The following ZMYND11 variants were observed in gnomAD, a reference collection of about 807,000 sequenced individuals.
ZMYND11 encodes the protein zinc finger MYND-type containing 11, also known as zinc finger MYND domain-containing protein 11.
Under a neutral mutation model 84.9 loss-of-function variants are expected in ZMYND11, and 9 were observed. That is an observed-to-expected ratio of 0.11 (90% CI 0.06 to 0.18). The LOEUF is 0.18. Ranked by LOEUF, ZMYND11 falls within the 10% of genes least tolerant of loss-of-function variation. ZMYND11 has a pLI of 1.00. For missense variants in ZMYND11, 409 were observed against 761.0 expected, an observed-to-expected ratio of 0.54 and a Z score of 5.44; for synonymous variants, 250 against 244.1, an observed-to-expected ratio of 1.02 and a Z score of -0.23.
chr10:210,183 A>G, intron 3 of ZMYND11, 135 bp downstream of exon 3: 1 of 941,634 alleles, frequency 1.1e-6, no homozygotes, highest in Non-Finnish European at 1.6e-6. Context: ...TTAAGGCTCT[A>G]CATTGGTAGT....
chr10:247,347 G>T, intron 11 of ZMYND11, 51 bp from the exon 12 acceptor site: 2 of 1,596,012 alleles, frequency 1.3e-6, no homozygotes, highest in Non-Finnish European at 1.7e-6. Flanking sequence ...TTTCAGCAGA[G>T]AAGTATTTTC....
chr10:199,983 G>T (rs1942741627), intron 2 of ZMYND11, among the ~76,000 whole-genome samples: 2 of 151,812 alleles, frequency 1.3e-5, no homozygotes, highest in Non-Finnish European at 2.9e-5. Context: ...TCCCACCTCA[G>T]CCTCCTGAGT....
chr10:183,863 T>C (rs543103409), intron 2 of ZMYND11, among the ~76,000 whole-genome samples: 1 of 152,300 alleles, frequency 6.6e-6, no homozygotes, highest in South Asian at 2.1e-4. Context: ...TTCAGGATCT[T>C]CTTGTACATA....
At chr10:247,242 A>G (rs559463726) in intron 11 of ZMYND11, among the ~76,000 whole-genome samples, 156 bp from the exon 12 acceptor site, 1 of 152,368 alleles carries the variant, frequency 6.6e-6, no homozygotes, top group African/African-American at 2.4e-5. Context: ...TACAGTTACC[A>G]GAACAGTAAA....
At chr10:157,744 T>G (rs1842037631) in intron 1 of ZMYND11, among the ~76,000 whole-genome samples, 1 of 152,180 alleles carries the variant, frequency 6.6e-6, no homozygotes, top group African/African-American at 2.4e-5. Flanking sequence ...CTGCAGTGAC[T>G]TTTAGAAAAA....
intron 2 of ZMYND11, among the ~76,000 whole-genome samples, chr10:186,846 G>A (rs959941969): frequency 9.2e-5 from 14 of 151,978 alleles, no homozygotes; most frequent in African/African-American, 2.4e-4. Context: ...TTAACTTGGC[G>A]GAGTTCATAG....
At chr10:130,396 G>A (rs1588302860), upstream of ZMYND11, among the ~76,000 whole-genome samples, 2 of 152,160 alleles carry the variant, frequency 1.3e-5, no homozygotes, top group South Asian at 4.1e-4. Context: ...ACTACGGGAC[G>A]TGGTAGAAGG....
At chr10:200,996 A>G (rs764474485) in intron 2 of ZMYND11, among the ~76,000 whole-genome samples, 1 of 152,028 alleles carries the variant, frequency 6.6e-6, no homozygotes, top group Non-Finnish European at 1.5e-5. Flanking sequence ...TAATCTAGTC[A>G]GGTATTTTGC....
rs574425401 is a variant in ZMYND11, at chr10:176,270, CTTTTTA to C, written c.-19-3718_-19-3713del. Among the ~76,000 whole-genome samples the C allele has an allele frequency of 4.0e-4, 60 of 151,854 alleles. No individual in the cohort carries two copies. The East Asian group carries it at 0.01, about 26-fold the overall frequency. On this transcript the variant is annotated intron_variant, in intron 1 of 14. Transcript: ENST00000381604. ...TAAAGTTACTCAGAAGTTTTTGCTA[CTTTTTA>C]TTTTTTTTTTTAACTACAGGCTTCT...
intron 1 of ZMYND11, among the ~76,000 whole-genome samples, chr10:142,678 A>G (rs994119570): frequency 2.0e-5 from 3 of 152,180 alleles, no homozygotes; most frequent in African/African-American, 7.2e-5. Flanking sequence ...CATTTTCCCA[A>G]TGCACTTTTA....
intron 1 of ZMYND11, among the ~76,000 whole-genome samples, chr10:136,407 T>C (rs1836072234): frequency 6.6e-6 from 1 of 152,208 alleles, no homozygotes; most frequent in Non-Finnish European, 1.5e-5. Context: ...TGCAGTGCGG[T>C]GTCCTATGCG....
chr10:140,167 A>G (rs529699581), intron 1 of ZMYND11, among the ~76,000 whole-genome samples: 2 of 152,298 alleles, frequency 1.3e-5, no homozygotes, highest in South Asian at 2.1e-4. Context: ...TTTGAGACAG[A>G]ATGTGATTTG....
upstream of ZMYND11, among the ~76,000 whole-genome samples, chr10:132,573 G>A (rs1835337652): frequency 6.6e-6 from 1 of 152,140 alleles, no homozygotes; most frequent in African/African-American, 2.4e-5. Context: ...TACACTCACA[G>A]CCATCTGCAG....
At chr10:183,210 CTTTTTTGTTGTTGGTTTT>C (rs1479755348) in intron 2 of ZMYND11, among the ~76,000 whole-genome samples, 1 of 143,806 alleles carries the variant, frequency 7.0e-6, no homozygotes, top group Non-Finnish European at 1.5e-5. Flanking sequence ...GGTTTCTCTT[CTTTTTTGTTGTTGGTTTT>C]TTTTTTTTTT....
chr10:187,495 G>T (rs548452390), intron 2 of ZMYND11, among the ~76,000 whole-genome samples: 1 of 151,976 alleles, frequency 6.6e-6, no homozygotes, highest in Admixed American at 6.5e-5. Flanking sequence ...TTAGCCGGGC[G>T]CGGTGGCGGG....
chr10:243,692 C>T (rs1464706503), intron 10 of ZMYND11, among the ~76,000 whole-genome samples: 2 of 152,082 alleles, frequency 1.3e-5, no homozygotes, highest in Non-Finnish European at 2.9e-5. Flanking sequence ...AGTGAAACCC[C>T]GTCTCTACTA....
intron 1 of ZMYND11, among the ~76,000 whole-genome samples, chr10:159,341 T>G (rs573038795): frequency 2.0e-5 from 3 of 152,286 alleles, no homozygotes; most frequent in African/African-American, 7.2e-5. Flanking sequence ...GATGGTGACA[T>G]TTTGTGTTCC....
At chr10:166,454 C>T (rs890365212) in intron 1 of ZMYND11, among the ~76,000 whole-genome samples, 3 of 151,896 alleles carry the variant, frequency 2.0e-5, no homozygotes, top group Admixed American at 6.6e-5. Context: ...GACATTTCTC[C>T]AGACATATAT....
At chr10:158,117 T>G (rs997197272) in intron 1 of ZMYND11, among the ~76,000 whole-genome samples, 1 of 152,252 alleles carries the variant, frequency 6.6e-6, no homozygotes, top group Non-Finnish European at 1.5e-5. Context: ...TGTTTATCCA[T>G]TCATCAGTTG....
Sources: gnomAD v4.1 joint callset for allele counts (sites outside exome capture counted in the v4.1 genomes callset) on GRCh38, gnomAD v4.1.1 for gene constraint, MANE v1.5 for transcripts, NCBI Gene and HGNC (gene_info 2026-07-23, HGNC 2026-07-21) for gene names.